The following LRFN2 variants were observed in gnomAD, a reference collection of about 807,000 sequenced individuals.
LRFN2 encodes the protein leucine rich repeat and fibronectin type III domain containing 2, also known as leucine-rich repeat and fibronectin type-III domain-containing protein 2.
A neutral mutation model predicts 37.3 loss-of-function variants in LRFN2; 18 were observed. The observed-to-expected ratio is 0.48, with a 90% CI of 0.33 to 0.72. The LOEUF (loss-of-function observed/expected upper bound fraction) is 0.72, where lower values mean the gene tolerates loss of function less well. LRFN2 is among the 30% of genes least tolerant of loss of function. LRFN2 has a pLI of 0.02. For missense variants in LRFN2, 1,006 were observed against 1,060.7 expected (o/e 0.95, Z 0.72); for synonymous variants, 556 against 466.6 (o/e 1.19, Z -2.47).
chr6:40,584,351 T>C (rs534895881), intron 1 of LRFN2, among the ~76,000 whole-genome samples: 18 of 152,304 alleles, frequency 1.2e-4, no homozygotes, highest in African/African-American at 4.3e-4. Flanking sequence ...AGACTCACAT[T>C]GTTAACCAAG....
chr6:40,577,090 T>TCTCTC (rs1767295021), intron 1 of LRFN2, among the ~76,000 whole-genome samples: 1 of 141,290 alleles, frequency 7.1e-6, no homozygotes, highest in African/African-American at 2.7e-5. Flanking sequence ...TTTCTTTTCT[T>TCTCTC]TTCTTTTCTT....
intron 1 of LRFN2, among the ~76,000 whole-genome samples, chr6:40,447,880 C>T (rs2113839556): frequency 6.6e-6 from 1 of 152,348 alleles, no homozygotes; most frequent in South Asian, 2.1e-4. Flanking sequence ...GACCCTAGGA[C>T]TGACCCCTGT....
intron 1 of LRFN2, among the ~76,000 whole-genome samples, chr6:40,518,740 C>T (rs1057114057): frequency 7.2e-5 from 11 of 152,308 alleles, no homozygotes; most frequent in African/African-American, 1.9e-4. Context: ...TGAGTGCCTA[C>T]TGTATTCCAA....
chr6:40,561,901 C>T (rs909684356), intron 1 of LRFN2, among the ~76,000 whole-genome samples: 1 of 152,070 alleles, frequency 6.6e-6, no homozygotes, highest in African/African-American at 2.4e-5. Flanking sequence ...CTAGGCATCT[C>T]CCCCTCCACC....
intron 1 of LRFN2, among the ~76,000 whole-genome samples, chr6:40,575,361 G>A (rs999474699): frequency 1.1e-4 from 17 of 151,418 alleles, no homozygotes; most frequent in African/African-American, 3.9e-4. Context: ...ACACACAAAG[G>A]CAGTCCTGAG....
intron 1 of LRFN2, among the ~76,000 whole-genome samples, chr6:40,532,095 C>G (rs1766354301): frequency 6.6e-6 from 1 of 152,222 alleles, no homozygotes; most frequent in South Asian, 2.1e-4. Context: ...CTAGTGAACC[C>G]ACACCAGGGA....
At chr6:40,437,316 A>G (rs1581705154) in intron 1 of LRFN2, among the ~76,000 whole-genome samples, 1 of 152,098 alleles carries the variant, frequency 6.6e-6, no homozygotes, top group East Asian at 1.9e-4. Context: ...TGCCTCCGCC[A>G]TCCTTTGTGC....
At chr6:40,471,010 G>A (rs1487711600) in intron 1 of LRFN2, among the ~76,000 whole-genome samples, 3 of 152,224 alleles carry the variant, frequency 2.0e-5, no homozygotes, top group Non-Finnish European at 2.9e-5. Flanking sequence ...TGAGAAGGAT[G>A]TTGGTACATC....
intron 1 of LRFN2, among the ~76,000 whole-genome samples, chr6:40,442,303 G>T (rs1763856552): frequency 6.6e-6 from 1 of 152,202 alleles, no homozygotes; most frequent in African/African-American, 2.4e-5. Context: ...TCCTCATTAT[G>T]GTTGGCCCAG....
intron 1 of LRFN2, among the ~76,000 whole-genome samples, chr6:40,544,171 G>A (rs1285043966): frequency 6.6e-6 from 1 of 152,192 alleles, no homozygotes; most frequent in Non-Finnish European, 1.5e-5. Flanking sequence ...TGTGTGCTGC[G>A]AGCGCACCAG....
intron 1 of LRFN2, among the ~76,000 whole-genome samples, chr6:40,478,118 C>A (rs765870053): frequency 9.2e-5 from 14 of 152,110 alleles, no homozygotes; most frequent in Admixed American, 2.6e-4. Flanking sequence ...TATGCCAGGA[C>A]GCACCCCTGC....
At chr6:40,481,542 C>T (rs1018197735) in intron 1 of LRFN2, among the ~76,000 whole-genome samples, 44 of 151,838 alleles carry the variant, frequency 2.9e-4, no homozygotes, top group Admixed American at 9.8e-4. Context: ...AGTCCTATCT[C>T]GGGGATCAGA....
intron 1 of LRFN2, among the ~76,000 whole-genome samples, chr6:40,436,766 G>A (rs1476193589): frequency 6.6e-6 from 1 of 152,078 alleles, no homozygotes; most frequent in African/African-American, 2.4e-5. Context: ...TACTTGCTGG[G>A]GCCTCATAGA....
At chr6:40,548,481 A>G (rs410066) in intron 1 of LRFN2, among the ~76,000 whole-genome samples, 93,405 of 151,466 alleles carry the variant, frequency 0.62, 29,873 homozygotes, top group African/African-American at 0.78. Context: ...CTACCTTACA[A>G]GTTATTTTGA....
intron 2 of LRFN2, among the ~76,000 whole-genome samples, chr6:40,428,188 TTGCTGCTGC>T (rs1404995892): frequency 6.6e-6 from 1 of 152,252 alleles, no homozygotes. Flanking sequence ...ATTGCTGCTG[TTGCTGCTGC>T]TGCTTTTCTC....
intron 1 of LRFN2, among the ~76,000 whole-genome samples, chr6:40,505,464 C>A (rs1765507982): frequency 6.6e-6 from 1 of 152,150 alleles, no homozygotes; most frequent in African/African-American, 2.4e-5. Context: ...CGCAAATAAC[C>A]ATTTGCATGA....
intron 1 of LRFN2, among the ~76,000 whole-genome samples, chr6:40,522,009 A>C (rs1031659273): frequency 6.6e-6 from 1 of 152,206 alleles, no homozygotes; most frequent in Non-Finnish European, 1.5e-5. Flanking sequence ...CTCCAAGACC[A>C]GAAGGAAGAC....
intron 1 of LRFN2, among the ~76,000 whole-genome samples, chr6:40,556,716 GACACACAC>G (rs35308131): frequency 1.7e-5 from 2 of 120,942 alleles, no homozygotes; most frequent in African/African-American, 3.2e-5. Context: ...TACCTACATA[GACACACAC>G]ACACACACAC....
chr6:40,587,166 G>C lies in LRFN2; in HGVS notation c.-244C>G, dbSNP rs1488883389. 6.6e-6 allele frequency: 1 copy of C among 152,214 alleles called. No individual in the cohort carries two copies. The highest frequency in any genetic ancestry group is 2.4e-5 in the African/African-American group (1 of 41,450). The allele number at this position is 152,214 out of a possible 1,614,324, so 9.4% of individuals were successfully genotyped here. A position where few individuals can be genotyped will look rare whatever the true frequency, so the allele number is the denominator to read the frequency against. ...ATCCATGGCATTTAGCAAGAAGAAG[G>C]GGGGAAAAGCACAACTTGTTCTCTT... On this transcript the variant is annotated 5_prime_UTR_variant, in exon 1 of 3. Transcript: ENST00000338305. This position sits in a 1 kb window ranked among gnomAD's most constrained non-coding sequence, Gnocchi z 4.2.
Sources: gnomAD v4.1 joint callset for allele counts (sites outside exome capture counted in the v4.1 genomes callset) on GRCh38, gnomAD v4.1.1 for gene constraint, Gnocchi (gnomAD v3.1) non-coding constraint, MANE v1.5 for transcripts, NCBI Gene and HGNC (gene_info 2026-07-23, HGNC 2026-07-21) for gene names.